The following PRRC2C variants were observed in gnomAD, a reference collection of about 807,000 sequenced individuals.
PRRC2C encodes the protein proline rich coiled-coil 2C.
PRRC2C carries 72 observed loss-of-function variants against 317.2 expected under a neutral mutation model. The observed-to-expected ratio is 0.23, with a 90% CI of 0.19 to 0.28. The LOEUF (loss-of-function observed/expected upper bound fraction) is 0.28. Among genes scored for constraint, PRRC2C ranks in the 10% least tolerant of loss-of-function variants. The pLI, the probability that PRRC2C is intolerant of heterozygous loss-of-function variation, is 1.00. For synonymous variants in PRRC2C, 1,296 were observed against 1,205.9 expected (o/e 1.07, Z -1.55); for missense variants, 3,074 against 3,459.7 (o/e 0.89, Z 2.80).
intron 1 of PRRC2C, among the ~76,000 whole-genome samples, chr1:171,502,212 G>A (rs1669231625): frequency 6.6e-6 from 1 of 152,170 alleles, no homozygotes; most frequent in Non-Finnish European, 1.5e-5. Context: ...TTTTACACTT[G>A]AACGTTCTTA....
At chr1:171,508,889 C>G (rs528709145) in intron 1 of PRRC2C, among the ~76,000 whole-genome samples, 1 of 148,992 alleles carries the variant, frequency 6.7e-6, no homozygotes, top group East Asian at 2.0e-4. Context: ...TTTTCTTTTT[C>G]TTTTTCCTTT....
At chr1:171,487,198 C>T (rs961462040) in intron 1 of PRRC2C, among the ~76,000 whole-genome samples, 3 of 151,878 alleles carry the variant, frequency 2.0e-5, no homozygotes, top group East Asian at 1.9e-4. Flanking sequence ...CCACAACAGA[C>T]CTTTGAGAAA....
chr1:171,559,029 G>T (rs145573008), intron 19 of PRRC2C, among the ~76,000 whole-genome samples: 1 of 152,320 alleles, frequency 6.6e-6, no homozygotes, highest in East Asian at 1.9e-4. Context: ...CAAAGCAAGT[G>T]TTCTATCTCT....
At chr1:171,578,879 CA>C (rs934373009) in intron 26 of PRRC2C, among the ~76,000 whole-genome samples, 11 of 149,492 alleles carry the variant, frequency 7.4e-5, no homozygotes, top group African/African-American at 2.5e-4. Flanking sequence ...AAAACAAAAA[CA>C]AAAAAAAACA....
At chr1:171,546,592 C>T (rs1557972363) in intron 17 of PRRC2C, among the ~76,000 whole-genome samples, 1 of 151,946 alleles carries the variant, frequency 6.6e-6, no homozygotes, top group Admixed American at 6.6e-5. Flanking sequence ...GCAAATTCTT[C>T]ATTTGTTTGT....
intron 1 of PRRC2C, among the ~76,000 whole-genome samples, chr1:171,498,160 C>G (rs1043142433): frequency 1.5e-4 from 23 of 152,048 alleles, no homozygotes; most frequent in Non-Finnish European, 3.1e-4. Flanking sequence ...AGCTTTTAGT[C>G]AACCTTAACT....
intron 1 of PRRC2C, among the ~76,000 whole-genome samples, chr1:171,492,431 C>T (rs1459823683): frequency 6.6e-6 from 1 of 152,102 alleles, no homozygotes; most frequent in African/African-American, 2.4e-5. Context: ...GTGGCATGTG[C>T]CTGTGGTCTT....
intron 11 of PRRC2C, among the ~76,000 whole-genome samples, chr1:171,528,286 A>T (rs1056557641): frequency 8.1e-5 from 11 of 135,782 alleles, no homozygotes; most frequent in South Asian, 2.4e-4. Flanking sequence ...CATCAGTGAA[A>T]TTTTTTTTTT....
chr1:171,545,739 T>TTATG (rs77131029), intron 17 of PRRC2C, 52 bp downstream of exon 17: 1 of 1,125,386 alleles, frequency 8.9e-7, no homozygotes, highest in African/African-American at 1.7e-5. Flanking sequence ...ATTTATTTAT[T>TTATG]TATTTATTTG....
At position 171,541,679 on chromosome 1, in the gene PRRC2C, G is replaced by A. The variant is rs1228565954; in HGVS notation, c.4213G>A (p.Asp1405Asn). The A allele has an allele frequency of 1.2e-6, 2 of 1,613,898 alleles. No homozygotes were observed. The highest frequency in any genetic ancestry group is 1.7e-6 in the Non-Finnish European group (2 of 1,179,870). Residue 1405 changes from aspartate to asparagine, a missense_variant, in exon 16 of 35, where the codon GAT becomes AAT. This residue lies in a region of PRRC2C where 1,320 missense variants were observed against 1,395.7 expected (regional missense o/e 0.95). Transcript: ENST00000647382. This position sits in a 1 kb window ranked among gnomAD's most constrained non-coding sequence, Gnocchi z 4.1. ...TGAGCAGTTTATTCCTATAGCAGCA[G>A]ATAAACGACCTCCAAAATTTGAGCG... ...RHEQFIPIAA[D>N]KRPPKFERKF...
intron 1 of PRRC2C, among the ~76,000 whole-genome samples, chr1:171,501,899 T>C (rs965842990): frequency 1.3e-5 from 2 of 152,198 alleles, no homozygotes; most frequent in African/African-American, 2.4e-5. Context: ...TACTCAGCAA[T>C]TGAGATTTTT....
intron 1 of PRRC2C, among the ~76,000 whole-genome samples, chr1:171,490,839 G>A (rs1018050916): frequency 6.6e-6 from 1 of 152,198 alleles, no homozygotes; most frequent in Non-Finnish European, 1.5e-5. Flanking sequence ...AATACTCAAA[G>A]TGGACTCTAG....
At chr1:171,547,385 TACAC>T (rs1402737368) in intron 17 of PRRC2C, among the ~76,000 whole-genome samples, 1 of 152,132 alleles carries the variant, frequency 6.6e-6, no homozygotes, top group Non-Finnish European at 1.5e-5. Flanking sequence ...AGATAGGCTT[TACAC>T]ACACACATTT....
At chr1:171,485,798 G>A (rs935442388) in intron 1 of PRRC2C, 63 bp downstream of exon 1, 1 of 152,274 alleles carries the variant, frequency 6.6e-6, no homozygotes, top group South Asian at 2.1e-4. Flanking sequence ...CGGCCAGAGT[G>A]CGGCCTGGGG....
chr1:171,553,476 G>T (rs1254472498), intron 18 of PRRC2C, among the ~76,000 whole-genome samples: 1 of 150,392 alleles, frequency 6.6e-6, no homozygotes, highest in Non-Finnish European at 1.5e-5. Context: ...CTTCAGTTCT[G>T]CTCTGATCTT....
At chr1:171,499,952 A>G (rs557244051) in intron 1 of PRRC2C, among the ~76,000 whole-genome samples, 3 of 152,254 alleles carry the variant, frequency 2.0e-5, no homozygotes, top group Non-Finnish European at 2.9e-5. Context: ...ACTATTATCA[A>G]TTAGTTAATA....
At position 171,591,623 on chromosome 1, in the gene PRRC2C, C is replaced by T. The variant is rs753960205; in HGVS notation, c.8473C>T (p.Arg2825Trp). 1.4e-5 allele frequency: 22 copies of T among 1,613,754 alleles called. No individual in the cohort carries two copies. Among genetic ancestry groups the T allele is most frequent in the East Asian group, 2.2e-5 (1 of 44,890 alleles). Residue 2825 changes from arginine (R) to tryptophan (W), a missense_variant, in exon 35 of 35, where the codon CGG becomes TGG. Coordinates refer to ENST00000647382, the MANE Select transcript of PRRC2C (RefSeq NM_001387844.1). ...QRAEVLQSTQ[R>W]FFSEQQQSKQ... ...AGCAGAGGTTCTTCAGTCCACGCAA[C>T]GGTTCTTCTCTGAACAGCAACAGAG...
intron 1 of PRRC2C, among the ~76,000 whole-genome samples, chr1:171,487,871 A>G (rs1035650776): frequency 1.3e-5 from 2 of 152,210 alleles, no homozygotes; most frequent in South Asian, 4.1e-4. Flanking sequence ...CTTTAGGTAC[A>G]TAAGAAAATT....
Position 171,558,089 on chromosome 1 carries a change from T to C in PRRC2C, c.5977T>C (p.Leu1993=). ...PQSHGTLTAE[L]WDNKVAPPAV... ...GTCACATGGCACTCTGACAGCTGAA[T>C]TATGGGATAACAAGGTGGCCCCACC... The change falls in exon 19 of 35, where the codon TTA becomes CTA. Residue 1993 remains leucine, a synonymous_variant. Coordinates refer to ENST00000647382, the MANE Select transcript of PRRC2C (RefSeq NM_001387844.1). 6.2e-7 allele frequency: 1 copy of C among 1,613,924 alleles called. No individual in the cohort carries two copies. The highest frequency in any genetic ancestry group is 8.5e-7 in the Non-Finnish European group (1 of 1,179,854).
Sources: allele counts gnomAD v4.1 joint callset (sites outside exome capture counted in the v4.1 genomes callset), GRCh38; gene constraint gnomAD v4.1.1; regional missense constraint gnomAD v4.1.1; non-coding constraint Gnocchi (gnomAD v3.1); transcripts MANE v1.5; gene names NCBI Gene and HGNC (gene_info 2026-07-23, HGNC 2026-07-21).